OTUD7B: variants seen among roughly 807,000 people sequenced by gnomAD.
OTUD7B encodes the protein OTU deubiquitinase 7B, also known as OTU domain-containing protein 7B.
A neutral mutation model predicts 82.2 loss-of-function variants in OTUD7B; 34 were observed. That is an observed-to-expected ratio of 0.41 (90% CI 0.31 to 0.55). The LOEUF (loss-of-function observed/expected upper bound fraction) is 0.55, where lower values mean the gene tolerates loss of function less well. Among genes scored for constraint, OTUD7B ranks in the 20% least tolerant of loss-of-function variants. The probability of loss-of-function intolerance (pLI) is 0.20; values close to 1 mark genes in which losing one functional copy is unlikely to be tolerated. For synonymous variants in OTUD7B, 398 were observed against 402.7 expected, an observed-to-expected ratio of 0.99 and a Z score of 0.14; for missense variants, 944 against 1,062.1, an observed-to-expected ratio of 0.89 and a Z score of 1.55.
the OTUD7B span, among the ~76,000 whole-genome samples, chr1:150,037,820 T>A: frequency 3.2e-4 from 48 of 152,220 alleles, no homozygotes; most frequent in Admixed American, 2.7e-3. Flanking sequence ...AAAATATTTA[T>A]TTTATATCTC....
At chr1:149,968,523 T>C (rs1344473369) in intron 3 of OTUD7B, among the ~76,000 whole-genome samples, 1 of 152,136 alleles carries the variant, frequency 6.6e-6, no homozygotes, top group Non-Finnish European at 1.5e-5. Context: ...ATTTGCTCAA[T>C]GTAGTATTAC....
rs1302694971 is a variant in OTUD7B at position 150,009,785 on chromosome 1, C to A, written c.-67+663G>T. ...CATTCCATCCCGACCGGAGCCACAC[C>A]GTTAACCTAGTAATTATGAGAAGAG... On this transcript the variant is annotated intron_variant, in intron 1 of 11. Coordinates refer to ENST00000581312, the MANE Select transcript of OTUD7B (RefSeq NM_020205.4). Among the ~76,000 whole-genome samples, 4 of 152,234 alleles carry A rather than the reference C, an allele frequency of 2.6e-5. No individual in the cohort carries two copies. In the East Asian group the frequency reaches 7.7e-4, roughly 29 times the overall value.
At chr1:149,956,034 C>T (rs1435177967) in intron 7 of OTUD7B, among the ~76,000 whole-genome samples, 2 of 152,142 alleles carry the variant, frequency 1.3e-5, no homozygotes, top group African/African-American at 2.4e-5. Context: ...AGCCCATTTA[C>T]ATTTAAGGTT....
chr1:150,032,369 C>CTGTA, the OTUD7B span, among the ~76,000 whole-genome samples: 3 of 145,924 alleles, frequency 2.1e-5, no homozygotes, highest in Admixed American at 2.1e-4. Context: ...TGGCTCAAGA[C>CTGTA]TGTAGTCCAG....
the OTUD7B span, among the ~76,000 whole-genome samples, chr1:150,024,522 C>T: frequency 1.1e-4 from 17 of 151,930 alleles, no homozygotes; most frequent in African/African-American, 4.1e-4. Context: ...GTGTCCTTCT[C>T]AAAAACTGGA....
intron 7 of OTUD7B, among the ~76,000 whole-genome samples, chr1:149,956,815 C>T (rs1553774640): frequency 6.6e-6 from 1 of 152,162 alleles, no homozygotes. Context: ...CTTTCTTCCA[C>T]TTGATTGAAT....
At position 149,942,329 on chromosome 1, in the gene OTUD7B, A is replaced by G. The variant is rs1553770622; in HGVS notation, c.*1528T>C. On this transcript the variant is annotated 3_prime_UTR_variant, in exon 12 of 12. Coordinates refer to ENST00000581312, the MANE Select transcript of OTUD7B (RefSeq NM_020205.4). Reference sequence around the variant, plus strand: ...ACTTTTTTTCCCGGAAAAAAATATAAAGAAAAAGGAAAATTGGCCCAGGAT... The same window carrying G: ...ACTTTTTTTCCCGGAAAAAAATATAGAGAAAAAGGAAAATTGGCCCAGGAT... 1 of 152,636 alleles carries G rather than the reference A, an allele frequency of 6.6e-6. No individual in the cohort carries two copies. Among genetic ancestry groups the G allele is most frequent in the African/African-American group, 2.4e-5 (1 of 41,438 alleles). 9.5% of individuals were successfully genotyped at this position (152,636 alleles called of 1,614,324 possible).
Position 149,967,415 on chromosome 1 carries a change from G to T in OTUD7B, c.381C>A (p.Pro127=). The T allele has an allele frequency of 6.2e-7, 1 of 1,614,120 alleles. No homozygotes were observed. The highest frequency in any genetic ancestry group is 8.5e-7 in the Non-Finnish European group (1 of 1,179,998). The change falls in exon 4 of 12, where the codon CCC becomes CCA. Residue 127 remains proline (P), a synonymous_variant. Transcript: ENST00000581312. The part of the protein sequence containing the change: ...NGGGGGSNEH[P]LEMPICAFQL... ...GGAAGGCACAGATGGGCATTTCCAG[G>T]GGGTGCTCATTGCTCCCCCCACCCC...
At chr1:150,043,285 A>G in the OTUD7B span, among the ~76,000 whole-genome samples, 2 of 152,212 alleles carry the variant, frequency 1.3e-5, no homozygotes, top group African/African-American at 4.8e-5. Context: ...GAGCAGATCA[A>G]CTAGGTAAAA....
In OTUD7B at chr1:149,949,785, G is replaced by A. The variant is rs1648044357; in HGVS notation, c.974-7C>T. The A allele has an allele frequency of 1.9e-6, 3 of 1,612,602 alleles. No homozygotes were observed. Among genetic ancestry groups the A allele is most frequent in the South Asian group, 2.2e-5 (2 of 90,856 alleles). The stretch of plus-strand genomic sequence containing the variant: ...AAGGGAATAGGGGCAAATGCTGCAG[G>A]AAGCCATGAAGATTATTATGAAGGC... On this transcript the variant is annotated splice_polypyrimidine_tract_variant and splice_region_variant and intron_variant, in intron 8 of 11. Coordinates refer to ENST00000581312, the MANE Select transcript of OTUD7B (RefSeq NM_020205.4).
At chr1:150,048,679 T>C in the OTUD7B span, 1 of 149,224 alleles carries the variant, frequency 6.7e-6, no homozygotes, top group African/African-American at 2.4e-5. Context: ...ACCTTGACTC[T>C]TAAAAAAAAA....
the OTUD7B span, among the ~76,000 whole-genome samples, chr1:150,044,700 T>TAAA: frequency 4.0e-5 from 6 of 149,700 alleles, no homozygotes; most frequent in African/African-American, 1.5e-4. Flanking sequence ...ATAATAATAA[T>TAAA]AAATAAAAAT....
Position 149,959,715 on chromosome 1 carries a change from GC to G in OTUD7B, c.813del (p.Met271IlefsTer3). 1 of 1,613,574 alleles carries G rather than the reference GC, an allele frequency of 6.2e-7. No homozygotes were observed. Reference protein sequence around the residue: ...LIKLASSEPRMHLGTNGANCG... With the variant: ...LIKLASSEPRXHLGTNGANCG... ...CAGTTGGCTCCATTGGTACCTAGATGCATTCGGGGTTCACTTGAGGCAAGCT... is the reference window on the plus strand; with the variant it reads ...CAGTTGGCTCCATTGGTACCTAGATGATTCGGGGTTCACTTGAGGCAAGCT... On this transcript the variant is annotated frameshift_variant, in exon 7 of 12. Transcript: ENST00000581312. LOFTEE classifies it high-confidence loss of function.
At chr1:150,056,009 C>A in the OTUD7B span, among the ~76,000 whole-genome samples, 4 of 152,006 alleles carry the variant, frequency 2.6e-5, no homozygotes, top group African/African-American at 9.7e-5. Context: ...ATATAACAAA[C>A]CTGCACATGT....
At chr1:150,042,272 A>G in the OTUD7B span, among the ~76,000 whole-genome samples, 1 of 151,480 alleles carries the variant, frequency 6.6e-6, no homozygotes, top group Non-Finnish European at 1.5e-5. Context: ...TCCCAGGTTC[A>G]AGCAATTCTC....
chr1:149,991,058 G>C (rs1191431053), intron 1 of OTUD7B, among the ~76,000 whole-genome samples: 1 of 151,962 alleles, frequency 6.6e-6, no homozygotes, highest in African/African-American at 2.4e-5. Flanking sequence ...CTATGTATTC[G>C]GACTTAGAAT....
chr1:150,059,142 C>T, the OTUD7B span, among the ~76,000 whole-genome samples: 4 of 148,674 alleles, frequency 2.7e-5, no homozygotes, highest in Admixed American at 6.7e-5. Flanking sequence ...CAACCTCTGC[C>T]GCCCAGGTTC....
At chr1:150,002,270 G>C (rs1466478111) in intron 1 of OTUD7B, among the ~76,000 whole-genome samples, 1 of 151,188 alleles carries the variant, frequency 6.6e-6, no homozygotes, top group Non-Finnish European at 1.5e-5. Flanking sequence ...TATTTAACAA[G>C]TTTCAGTGGC....
the OTUD7B span, chr1:150,047,653 G>C: frequency 6.6e-6 from 1 of 152,088 alleles, no homozygotes; most frequent in Non-Finnish European, 1.5e-5. Flanking sequence ...TCTAAGAACT[G>C]TATAGAAAAA....
Sources: gnomAD v4.1 joint callset for allele counts (sites outside exome capture counted in the v4.1 genomes callset) on GRCh38, gnomAD v4.1.1 for gene constraint, MANE v1.5 for transcripts, NCBI Gene and HGNC (gene_info 2026-07-23, HGNC 2026-07-21) for gene names.